Variants in BRCA1 observed in about 807,000 individuals in gnomAD.
The protein encoded by BRCA1 is BRCA1 DNA repair associated.
In BRCA1, 140 loss-of-function variants were observed where a neutral mutation model predicts 173.7. That is an observed-to-expected ratio of 0.81 (90% CI 0.70 to 0.93). The LOEUF is 0.93. BRCA1 is among the 40% of genes least tolerant of loss of function. The pLI, the probability that BRCA1 is intolerant of heterozygous loss-of-function variation, is 0.00. For synonymous variants in BRCA1, 662 were observed against 756.0 expected, an observed-to-expected ratio of 0.88 and a Z score of 2.04; for missense variants, 1,983 against 2,172.5, an observed-to-expected ratio of 0.91 and a Z score of 1.73.
intron 1 of BRCA1, chr17:43,165,858 G>A (rs1266368103): frequency 1.3e-5 from 2 of 150,384 alleles, no homozygotes; most frequent in Non-Finnish European, 3.0e-5. Flanking sequence ...AACTTTAGTT[G>A]AAAACCTTTA....
intron 1 of BRCA1, among the ~76,000 whole-genome samples, chr17:43,168,734 A>G (rs2056287265): frequency 6.6e-6 from 1 of 152,228 alleles, no homozygotes; most frequent in Non-Finnish European, 1.5e-5. Flanking sequence ...GCTTTTTGTA[A>G]TTAGACAATA....
intron 12 of BRCA1, chr17:43,079,891 C>A: frequency 1.6e-6 from 1 of 643,318 alleles, no homozygotes; most frequent in South Asian, 1.8e-5. Flanking sequence ...CAATGGGCCT[C>A]ATGCAATGAA....
Position 43,093,742 on chromosome 17 carries a change from C to T in BRCA1, c.1789G>A (p.Glu597Lys), listed in dbSNP as rs55650082. The change falls in exon 10 of 23, where the codon GAA becomes AAA. Residue 597 changes from glutamate to lysine, a missense_variant. Glu to Lys is a moderately conservative substitution (Grantham distance 56, BLOSUM62 1). Coordinates refer to ENST00000357654, the MANE Select transcript of BRCA1 (RefSeq NM_007294.4). ...ISSSISNMEL[E>K]LNIHNSKAPK... ...GCTTTTGAATTGTGGATATTTAATT[C>T]GAGTTCCATATTGCTTATACTGCTG... is the stretch of plus-strand genomic sequence containing the variant. 269 of 1,613,814 alleles carry T rather than the reference C, an allele frequency of 1.7e-4. No homozygotes were observed. The highest frequency in any genetic ancestry group is 2.0e-4 in the Non-Finnish European group (235 of 1,180,006).
At chr17:43,047,176 T>C (rs1195368470) in intron 22 of BRCA1, among the ~76,000 whole-genome samples, 2 of 152,130 alleles carry the variant, frequency 1.3e-5, no homozygotes, top group Non-Finnish European at 2.9e-5. Context: ...CGTGGCTCAC[T>C]GAAGCATCAA....
intron 22 of BRCA1, 120 bp from the exon 23 acceptor site, chr17:43,045,922 A>ATT (rs375078966): frequency 0.017 from 15,975 of 938,702 alleles, 2 homozygotes; most frequent in Non-Finnish European, 0.02. Context: ...GTAGAAGCTA[A>ATT]TTTTTTTTTT....
chr17:43,054,418 G>A (rs1216719502), intron 19 of BRCA1, among the ~76,000 whole-genome samples: 3 of 152,170 alleles, frequency 2.0e-5, no homozygotes, highest in Admixed American at 2.0e-4. Flanking sequence ...TCTATAAAGG[G>A]ACAGAAAGTG....
intron 4 of BRCA1, among the ~76,000 whole-genome samples, chr17:43,106,191 G>A (rs370254862): frequency 6.6e-6 from 1 of 151,648 alleles, no homozygotes; most frequent in Non-Finnish European, 1.5e-5. Context: ...ATGGGGGCAC[G>A]GCGATACAGC....
chr17:43,072,712 A>T (rs1282990186), intron 14 of BRCA1, among the ~76,000 whole-genome samples: 1 of 151,528 alleles, frequency 6.6e-6, no homozygotes, highest in African/African-American at 2.4e-5. Context: ...CTACAGGCAT[A>T]AGCCACCAAG....
intron 2 of BRCA1, among the ~76,000 whole-genome samples, chr17:43,121,349 T>G (rs565167448): frequency 1.9e-3 from 286 of 151,926 alleles, no homozygotes; most frequent in African/African-American, 6.5e-3. Flanking sequence ...CACTCCAGCC[T>G]AGGCAGCAGA....
intron 20 of BRCA1, chr17:43,049,933 T>C: frequency 2.5e-6 from 1 of 395,740 alleles, no homozygotes; most frequent in Non-Finnish European, 4.5e-6. Flanking sequence ...ACCCCCAAAA[T>C]AATACTTTCT....
chr17:43,101,441 C>T (rs1024215101), intron 6 of BRCA1, among the ~76,000 whole-genome samples: 2 of 151,484 alleles, frequency 1.3e-5, no homozygotes, highest in Non-Finnish European at 1.5e-5. Context: ...GAGATCCACC[C>T]GCCTTGGCCT....
intron 19 of BRCA1, among the ~76,000 whole-genome samples, chr17:43,056,821 C>G (rs1298275893): frequency 6.6e-6 from 1 of 152,164 alleles, no homozygotes; most frequent in Non-Finnish European, 1.5e-5. Context: ...AGACGGGAAT[C>G]CAAATTACAC....
chr17:43,064,273 A>G (rs2051955318), intron 16 of BRCA1, among the ~76,000 whole-genome samples: 1 of 152,220 alleles, frequency 6.6e-6, no homozygotes, highest in Admixed American at 6.5e-5. Context: ...ATTAGGAATT[A>G]TCCATGTCAA....
At chr17:43,139,951 C>A (rs774928545) in intron 1 of BRCA1, 1 of 495,460 alleles carries the variant, frequency 2.0e-6, no homozygotes, top group Admixed American at 2.2e-5. Context: ...ATTCCTAAAT[C>A]CCTTGGAATT....
chr17:43,118,084 C>T (rs1381878320), intron 2 of BRCA1, among the ~76,000 whole-genome samples: 2 of 151,410 alleles, frequency 1.3e-5, no homozygotes, highest in Non-Finnish European at 2.9e-5. Context: ...GTGAGATGTA[C>T]ATGGGGGGAG....
chr17:43,053,092 G>T (rs921488503), intron 19 of BRCA1, among the ~76,000 whole-genome samples: 6 of 151,990 alleles, frequency 3.9e-5, no homozygotes, highest in African/African-American at 1.4e-4. Context: ...TGGCCAGGCT[G>T]GTCTTGAACT....
intron 2 of BRCA1, among the ~76,000 whole-genome samples, chr17:43,121,683 C>CAAAAAAAAAAAAAAAAA (rs71160013): frequency 3.0e-5 from 1 of 32,896 alleles, no homozygotes; most frequent in Non-Finnish European, 5.1e-5. Context: ...AAGTCTGTCT[C>CAAAAAAAAAAAAAAAAA]AAAAAAAAAA....
In BRCA1 at chr17:43,049,347, T is replaced by C. The variant is rs8176305; in HGVS notation, c.5333-153A>G. Among the ~76,000 whole-genome samples the C allele has an allele frequency of 0.054, 8,292 of 152,222 alleles. 335 individuals carry two copies. Among genetic ancestry groups the C allele is most frequent in the Middle Eastern group, 0.078 (23 of 294 alleles). On this transcript the variant is annotated intron_variant, in intron 20 of 22. Coordinates refer to ENST00000357654, the MANE Select transcript of BRCA1 (RefSeq NM_007294.4). Reference sequence around the variant, plus strand: ...CCAAAGGACAATGGTCTTAAAATAGTAGGGGTATGGATTTTAAGTCAATTT... The same window carrying C: ...CCAAAGGACAATGGTCTTAAAATAGCAGGGGTATGGATTTTAAGTCAATTT...
At position 43,094,872 on chromosome 17, in the gene BRCA1, C is replaced by A. The variant is rs781393191; in HGVS notation, c.671-12G>T. The A allele has an allele frequency of 6.3e-7, 1 of 1,596,892 alleles. No individual in the cohort carries two copies. The highest frequency in any genetic ancestry group is 8.5e-7 in the Non-Finnish European group (1 of 1,170,712). ...AAATTCACAAGCAGCTGAAAATATA[C>A]AAAAATAACAAGGTACTCAAAAACT... On this transcript the variant is annotated splice_polypyrimidine_tract_variant and intron_variant, in intron 9 of 22. Coordinates refer to ENST00000357654, the MANE Select transcript of BRCA1 (RefSeq NM_007294.4).
Sources: gnomAD v4.1 joint callset for allele counts (sites outside exome capture counted in the v4.1 genomes callset) on GRCh38, gnomAD v4.1.1 for gene constraint, MANE v1.5 for transcripts, NCBI Gene and HGNC (gene_info 2026-07-23, HGNC 2026-07-21) for gene names.